The following CXADR variants were observed in gnomAD, a reference collection of about 807,000 sequenced individuals.
The protein encoded by CXADR is coxsackievirus and adenovirus receptor.
CXADR carries 20 observed loss-of-function variants against 40.3 expected under a neutral mutation model. That is an observed-to-expected ratio of 0.50 (90% CI 0.35 to 0.72). CXADR has a LOEUF of 0.72. Among genes scored for constraint, CXADR ranks in the 30% least tolerant of loss-of-function variants. The probability of loss-of-function intolerance (pLI) is 0.01; values close to 1 mark genes in which losing one functional copy is unlikely to be tolerated. For missense variants in CXADR, 332 were observed against 449.1 expected (o/e 0.74, Z 2.36); for synonymous variants, 150 against 161.3 (o/e 0.93, Z 0.53).
In CXADR at chr21:17,563,940, C is replaced by CAAAAAAAAAAAAAAAAAAAAAA; in HGVS notation, c.834-1467_834-1466insAAAAAAAAAAAAAAAAAAAAAA. 2.7e-3 allele frequency among the ~76,000 whole-genome samples: 99 copies of CAAAAAAAAAAAAAAAAAAAAAA among 37,196 alleles called. 6 individuals are homozygous for CAAAAAAAAAAAAAAAAAAAAAA. The highest frequency in any genetic ancestry group is 4.4e-3 in the Non-Finnish European group (78 of 17,678). The allele number at this position is 37,196 out of a possible 152,430, so 24.4% of individuals were successfully genotyped here. A position where few individuals can be genotyped will look rare whatever the true frequency, so the allele number is the denominator to read the frequency against. ...TGGGCAACAGAGCAAGACTCTGTCT[C>CAAAAAAAAAAAAAAAAAAAAAA]AAAAAAAAAAAAAAAAAAAAAGGTA... On this transcript the variant is annotated intron_variant, in intron 6 of 6. Coordinates refer to ENST00000284878, the MANE Select transcript of CXADR (RefSeq NM_001338.5).
chr21:17,563,296 T>C (rs551442180), intron 6 of CXADR, among the ~76,000 whole-genome samples: 1 of 152,120 alleles, frequency 6.6e-6, no homozygotes, highest in Non-Finnish European at 1.5e-5. Flanking sequence ...GATATTTTTT[T>C]AAAAAGTAGA....
intron 7 of CXADR, among the ~76,000 whole-genome samples, chr21:17,582,334 A>G (rs546639932): frequency 1.3e-5 from 2 of 152,102 alleles, no homozygotes; most frequent in Non-Finnish European, 2.9e-5. Flanking sequence ...AAATATTAAT[A>G]ATATTAGTTC....
intron 1 of CXADR, among the ~76,000 whole-genome samples, chr21:17,538,049 T>C (rs2060781709): frequency 6.6e-6 from 1 of 152,034 alleles, no homozygotes; most frequent in Non-Finnish European, 1.5e-5. Context: ...TTGCCCAGGC[T>C]GGAGTGCAGT....
rs1600963430 is a variant in CXADR, at chr21:17,530,101, A to G, written c.44-16926A>G. Among the ~76,000 whole-genome samples, 4 of 138,760 alleles carry G rather than the reference A, an allele frequency of 2.9e-5. No individual in the cohort carries two copies. In the South Asian group the frequency reaches 7.1e-4, roughly 25 times the overall value. 91.0% of individuals were successfully genotyped at this position (138,760 alleles called of 152,430 possible). A position where few individuals can be genotyped will look rare whatever the true frequency, so the allele number is the denominator to read the frequency against. ...GTAGCTGGGACTACAGGCGCATGCC[A>G]CCATGCCAGGCTATTTTTTTTTTTT... On this transcript the variant is annotated intron_variant, in intron 1 of 6. Transcript: ENST00000284878.
rs2061233240 is a variant in CXADR at position 17,567,970 on chromosome 21, C to T, written c.*2278C>T. On this transcript the variant is annotated 3_prime_UTR_variant, in exon 7 of 7. Coordinates refer to ENST00000284878, the MANE Select transcript of CXADR (RefSeq NM_001338.5). ...ATGTCTCACTGTAAAATTCTGTCAG[C>T]CAAATAGTACCAATACGTTTTCAAG... The T allele has an allele frequency of 1.0e-6, 1 of 984,464 alleles. No homozygotes were observed. The highest frequency in any genetic ancestry group is 1.2e-6 in the Non-Finnish European group (1 of 829,644). The allele number at this position is 984,464 out of a possible 1,614,324, so 61.0% of individuals were successfully genotyped here.
chr21:17,556,204 G>A (rs895742685), intron 3 of CXADR, among the ~76,000 whole-genome samples: 4 of 152,162 alleles, frequency 2.6e-5, no homozygotes, highest in Admixed American at 1.3e-4. Context: ...CTCTCTTTGT[G>A]GTTTTCTTCT....
intron 7 of CXADR, among the ~76,000 whole-genome samples, chr21:17,578,103 A>ACT (rs1382367726): frequency 8.5e-5 from 13 of 152,270 alleles, no homozygotes; most frequent in Middle Eastern, 3.4e-3. Flanking sequence ...ATAGCCCTTC[A>ACT]ATATCTTAAT....
chr21:17,612,014 A>G, the CXADR span: 3 of 152,304 alleles, frequency 2.0e-5, no homozygotes, highest in Non-Finnish European at 4.4e-5. Flanking sequence ...ATAATTTTCC[A>G]AGGGGCTAAG....
At chr21:17,581,771 AG>A (rs1341534099) in intron 7 of CXADR, among the ~76,000 whole-genome samples, 1 of 42 alleles carries the variant, frequency 0.024, no homozygotes, top group Non-Finnish European at 0.045. Context: ...CTTGAGCCCA[AG>A]AAGATTGAGG....
the CXADR span, among the ~76,000 whole-genome samples, chr21:17,619,236 C>G: frequency 6.6e-6 from 1 of 152,064 alleles, no homozygotes; most frequent in Non-Finnish European, 1.5e-5. Context: ...GAGAGTTAGC[C>G]AGGCTGGGCG....
the CXADR span, among the ~76,000 whole-genome samples, chr21:17,615,929 C>A: frequency 6.6e-6 from 1 of 152,128 alleles, no homozygotes; most frequent in East Asian, 1.9e-4. Context: ...TCTTTAAAAT[C>A]CTTTGAACTC....
chr21:17,565,962 CTAAG>C lies in CXADR; in HGVS notation c.*275_*278del, dbSNP rs1165424638. On this transcript the variant is annotated 3_prime_UTR_variant, in exon 7 of 7. Coordinates refer to ENST00000284878, the MANE Select transcript of CXADR (RefSeq NM_001338.5). Reference sequence around the variant, plus strand: ...TAAAGTTTTCTAAATTTATCAGTACCTAAGTAAGATGTAGCGCTTTGAATATGAA... The same window carrying C: ...TAAAGTTTTCTAAATTTATCAGTACCTAAGATGTAGCGCTTTGAATATGAA... 8.2e-6 allele frequency: 9 copies of C among 1,101,740 alleles called. No individual in the cohort carries two copies. Among genetic ancestry groups the C allele is most frequent in the Non-Finnish European group, 8.9e-6 (8 of 902,574 alleles). The allele number at this position is 1,101,740 out of a possible 1,614,324, so 68.2% of individuals were successfully genotyped here.
downstream of CXADR, chr21:17,594,389 C>A: frequency 2.0e-6 from 3 of 1,533,174 alleles, no homozygotes; most frequent in South Asian, 2.5e-5. Context: ...CATCTATGTT[C>A]CAGATTTCTC....
chr21:17,524,056 GT>G (rs1466967662), intron 1 of CXADR, among the ~76,000 whole-genome samples: 1 of 151,476 alleles, frequency 6.6e-6, no homozygotes, highest in African/African-American at 2.4e-5. Context: ...GTGTGTGTGT[GT>G]GTGTGTGTGT....
At chr21:17,572,534 C>T (rs1052506858), downstream of CXADR, among the ~76,000 whole-genome samples, 1 of 151,534 alleles carries the variant, frequency 6.6e-6, no homozygotes, top group African/African-American at 2.4e-5. Context: ...AGAAGCATTT[C>T]AGAAATATAT....
chr21:17,578,114 T>C (rs2061334845), intron 7 of CXADR, among the ~76,000 whole-genome samples: 1 of 152,188 alleles, frequency 6.6e-6, no homozygotes, highest in Non-Finnish European at 1.5e-5. Flanking sequence ...ATATCTTAAT[T>C]TCAGTTCTTC....
the CXADR span, among the ~76,000 whole-genome samples, chr21:17,604,445 CAAA>C: frequency 1.3e-5 from 2 of 148,576 alleles, no homozygotes; most frequent in African/African-American, 2.5e-5. Flanking sequence ...AACTCCGTCC[CAAA>C]AAAAAAGAGG....
chr21:17,585,525 TTA>T (rs1355222568), intron 7 of CXADR, among the ~76,000 whole-genome samples: 3 of 150,334 alleles, frequency 2.0e-5, no homozygotes, highest in Non-Finnish European at 4.4e-5. Context: ...TGTTTAATTA[TTA>T]TTTTTTTTTG....
chr21:17,529,571 T>G (rs1456044812), intron 1 of CXADR, among the ~76,000 whole-genome samples: 2 of 152,216 alleles, frequency 1.3e-5, no homozygotes, highest in African/African-American at 4.8e-5. Flanking sequence ...TCCACCCACC[T>G]TGGTCTCCCA....
Sources: gnomAD v4.1 joint callset for allele counts (sites outside exome capture counted in the v4.1 genomes callset) on GRCh38, gnomAD v4.1.1 for gene constraint, MANE v1.5 for transcripts, NCBI Gene and HGNC (gene_info 2026-07-23, HGNC 2026-07-21) for gene names.